The following ZGPAT variants were observed in gnomAD, a reference collection of about 807,000 sequenced individuals.
ZGPAT encodes zinc finger CCCH-type with G patch domain-containing protein.
A neutral mutation model predicts 47.9 loss-of-function variants in ZGPAT; 39 were observed. The ratio of observed to expected loss-of-function variants is 0.81; its 90% confidence interval spans 0.63 to 1.06. ZGPAT has a LOEUF of 1.06. ZGPAT is among the 50% of genes least tolerant of loss of function. The pLI is 0.00. For missense variants in ZGPAT, 717 were observed against 681.4 expected (o/e 1.05, Z -0.58); for synonymous variants, 348 against 292.9 (o/e 1.19, Z -1.92).
chr20:63,712,702 C>G (rs1297403392), intron 2 of ZGPAT, among the ~76,000 whole-genome samples: 5 of 152,076 alleles, frequency 3.3e-5, no homozygotes, highest in Admixed American at 3.3e-4. Context: ...TCAAGACCAG[C>G]CTGGCCAACG....
intron 2 of ZGPAT, among the ~76,000 whole-genome samples, chr20:63,729,034 CTTTTTTT>C (rs1054928363): frequency 2.1e-5 from 3 of 139,558 alleles, no homozygotes; most frequent in Non-Finnish European, 4.7e-5. Context: ...TTCTTTTTTT[CTTTTTTT>C]TTTTTTTTGA....
intron 2 of ZGPAT, among the ~76,000 whole-genome samples, chr20:63,732,459 G>A (rs1285509026): frequency 6.8e-6 from 1 of 147,282 alleles, no homozygotes; most frequent in South Asian, 2.2e-4. Flanking sequence ...AAGGGTGCTT[G>A]TGTGCGCATG....
At chr20:63,711,227 A>G (rs1325298074) in intron 2 of ZGPAT, among the ~76,000 whole-genome samples, 4 of 152,028 alleles carry the variant, frequency 2.6e-5, no homozygotes, top group African/African-American at 9.7e-5. Flanking sequence ...ACGGGATTTC[A>G]CCATATTACC....
chr20:63,732,572 TGAG>T (rs1393075786), intron 2 of ZGPAT, among the ~76,000 whole-genome samples: 2 of 152,110 alleles, frequency 1.3e-5, no homozygotes, highest in African/African-American at 4.8e-5. Flanking sequence ...TGTATTTGCA[TGAG>T]TTCATGTGTG....
At chr20:63,732,110 T>G (rs2091911121) in intron 2 of ZGPAT, among the ~76,000 whole-genome samples, 1 of 152,212 alleles carries the variant, frequency 6.6e-6, no homozygotes, top group Non-Finnish European at 1.5e-5. Flanking sequence ...TATATGCATA[T>G]ATGAGTGAGT....
At chr20:63,713,870 T>C (rs1371688797) in intron 2 of ZGPAT, among the ~76,000 whole-genome samples, 1 of 138,472 alleles carries the variant, frequency 7.2e-6, no homozygotes, top group Non-Finnish European at 1.5e-5. Context: ...AGACTTCATC[T>C]CAAAAAAAAA....
rs6011070 is a variant in ZGPAT at position 63,736,011 on chromosome 20, G to C, written c.*92G>C. On this transcript the variant is annotated 3_prime_UTR_variant, in exon 7 of 7. Coordinates refer to ENST00000355969, the MANE Select transcript of ZGPAT (RefSeq NM_181485.3). ...TTGCCCGAGGAGGGGCCGGCCTGCT[G>C]GCCTGGGGCGTGCAGACACTGCTGA... 6,748 of 1,530,846 alleles carry C rather than the reference G, an allele frequency of 4.4e-3. 255 individuals are homozygous for C. The African/African-American group carries it at 0.082, about 19-fold the overall frequency. 94.8% of individuals were successfully genotyped at this position (1,530,846 alleles called of 1,614,324 possible).
At chr20:63,734,601 C>T in intron 4 of ZGPAT, 104 bp from the exon 5 acceptor site, 1 of 1,551,426 alleles carries the variant, frequency 6.4e-7, no homozygotes, top group Non-Finnish European at 8.7e-7. Context: ...CATGCACAAT[C>T]CTCTGGCCTG....
intron 2 of ZGPAT, among the ~76,000 whole-genome samples, chr20:63,725,278 C>T (rs2091833710): frequency 6.6e-6 from 1 of 152,218 alleles, no homozygotes; most frequent in African/African-American, 2.4e-5. Context: ...GCCACCGCGC[C>T]CGGCTAGAAT....
Position 63,733,279 on chromosome 20 carries a change from G to A in ZGPAT, c.645G>A (p.Leu215=). 2 of 1,613,804 alleles carry A rather than the reference G, an allele frequency of 1.2e-6. No individual in the cohort carries two copies. The highest frequency in any genetic ancestry group is 2.2e-5 in the South Asian group (2 of 91,082). ...TGCGCCCCTTCCAGGACCCAGACCT[G>A]AGCTCCCTGCAGGCCGGCTCTGCGT... is the stretch of plus-strand genomic sequence containing the variant. ...DELRPFQDPD[L]SSLQAGSACL... Residue 215 remains leucine, a synonymous_variant, in exon 3 of 7, where the codon CTG becomes CTA. Transcript: ENST00000355969.
At chr20:63,708,265 G>A (rs1037734721) in intron 1 of ZGPAT, 147 bp downstream of exon 1, 3 of 176,752 alleles carry the variant, frequency 1.7e-5, no homozygotes, top group Non-Finnish European at 3.6e-5. Flanking sequence ...CGGCCTGGAA[G>A]GCGGCGGGCG....
At position 63,735,992 on chromosome 20, in the gene ZGPAT, G is replaced by A. The variant is rs952504165; in HGVS notation, c.*73G>A. On this transcript the variant is annotated 3_prime_UTR_variant, in exon 7 of 7. Transcript: ENST00000355969. ...GCCCTCAGGAAGACCAGTGTTGCCC[G>A]AGGAGGGGCCGGCCTGCTGGCCTGG... The A allele has an allele frequency of 3.2e-5, 49 of 1,554,048 alleles. No individual in the cohort carries two copies. Among genetic ancestry groups the A allele is most frequent in the Middle Eastern group, 3.5e-4 (2 of 5,764 alleles).
In ZGPAT at chr20:63,708,085, G is replaced by A. The variant is rs1205402416; in HGVS notation, c.-62G>A. On this transcript the variant is annotated 5_prime_UTR_variant, in exon 1 of 7. Transcript: ENST00000355969. ...CGGGAGGAAGTGCCGATCGGCTGCTGGGGCGAAAAGGGGGCGCCGGGCCGC... is the reference window on the plus strand; with the variant it reads ...CGGGAGGAAGTGCCGATCGGCTGCTAGGGCGAAAAGGGGGCGCCGGGCCGC... 1 of 152,106 alleles carries A rather than the reference G, an allele frequency of 6.6e-6. No homozygotes were observed. Among genetic ancestry groups the A allele is most frequent in the Non-Finnish European group, 1.5e-5 (1 of 68,008 alleles). The allele number at this position is 152,106 out of a possible 1,614,324, so 9.4% of individuals were successfully genotyped here.
chr20:63,711,604 T>C (rs2091668924), intron 2 of ZGPAT, among the ~76,000 whole-genome samples: 1 of 151,530 alleles, frequency 6.6e-6, no homozygotes, highest in African/African-American at 2.4e-5. Flanking sequence ...GTTGGACCTT[T>C]TTTTTTTTTT....
chr20:63,734,461 G>A (rs1418509765), intron 4 of ZGPAT: 2 of 671,878 alleles, frequency 3.0e-6, no homozygotes, highest in African/African-American at 3.6e-5. Flanking sequence ...AGCAGGCCGT[G>A]GGGACTGCCA....
rs747712703 is a variant in ZGPAT at position 63,708,833 on chromosome 20, G to A, written c.253G>A (p.Ala85Thr). ...EDAEYQAFRE[A>T]ITEAVEAPAA... ...TGCTGAGTACCAGGCTTTCCGGGAG[G>A]CCATCACTGAGGCGGTGGAGGCACC... The change falls in exon 2 of 7, where the codon GCC becomes ACC. Residue 85 changes from alanine to threonine, a missense_variant. By Grantham distance (58) the Ala-to-Thr change is moderately conservative. Transcript: ENST00000355969. The A allele has an allele frequency of 5.1e-5, 82 of 1,605,386 alleles. No homozygotes were observed. The Middle Eastern group carries it at 6.6e-4, about 13-fold the overall frequency.
At chr20:63,731,950 CTA>C (rs1337319885) in intron 2 of ZGPAT, among the ~76,000 whole-genome samples, 2 of 152,188 alleles carry the variant, frequency 1.3e-5, no homozygotes, top group Admixed American at 1.3e-4. Flanking sequence ...TATGCAAACA[CTA>C]TGTCATTATA....
At chr20:63,730,928 CT>C (rs1601341094) in intron 2 of ZGPAT, among the ~76,000 whole-genome samples, 1 of 16,504 alleles carries the variant, frequency 6.1e-5, no homozygotes, top group East Asian at 4.7e-4. Context: ...TTCATTCTCT[CT>C]CTCTCTCTCT....
At chr20:63,712,271 A>G (rs2091676721) in intron 2 of ZGPAT, among the ~76,000 whole-genome samples, 1 of 152,180 alleles carries the variant, frequency 6.6e-6, no homozygotes, top group Non-Finnish European at 1.5e-5. Context: ...CTTTTTCTCC[A>G]CTGAATGGTC....
Sources: allele counts gnomAD v4.1 joint callset (sites outside exome capture counted in the v4.1 genomes callset), GRCh38; gene constraint gnomAD v4.1.1; transcripts MANE v1.5; gene names NCBI Gene and HGNC (gene_info 2026-07-23, HGNC 2026-07-21).